The following KHDRBS3 variants were observed in gnomAD, a reference collection of about 807,000 sequenced individuals.
KHDRBS3 encodes KH RNA binding domain containing, signal transduction associated 3.
In KHDRBS3, 23 loss-of-function variants were observed where a neutral mutation model predicts 45.6. The ratio of observed to expected loss-of-function variants is 0.50; its 90% CI spans 0.36 to 0.72. The LOEUF is 0.72. KHDRBS3 is among the 30% of genes least tolerant of loss of function. KHDRBS3 has a pLI of 0.00. For synonymous variants in KHDRBS3, 162 were observed against 156.5 expected (o/e 1.04, Z -0.26); for missense variants, 352 against 424.8 (o/e 0.83, Z 1.51).
chr8:135,510,204 C>T (rs967344523), intron 1 of KHDRBS3, among the ~76,000 whole-genome samples: 5 of 151,850 alleles, frequency 3.3e-5, no homozygotes, highest in Admixed American at 1.3e-4. Flanking sequence ...ATCAAGTGAC[C>T]CTCTTTCCTT....
At chr8:135,631,519 C>T (rs1830603799) in intron 7 of KHDRBS3, among the ~76,000 whole-genome samples, 1 of 151,984 alleles carries the variant, frequency 6.6e-6, no homozygotes, top group Admixed American at 6.6e-5. Context: ...TACATAGTGT[C>T]AGGATCATCT....
chr8:135,646,812 T>C (rs572799460), intron 8 of KHDRBS3, among the ~76,000 whole-genome samples, 181 bp from the exon 9 acceptor site: 1 of 152,348 alleles, frequency 6.6e-6, no homozygotes, highest in South Asian at 2.1e-4. Context: ...GATGATTATT[T>C]TTCCTTGTGT....
chr8:135,584,258 A>ATTTG (rs1301517779), intron 6 of KHDRBS3, among the ~76,000 whole-genome samples: 2 of 152,246 alleles, frequency 1.3e-5, no homozygotes, highest in African/African-American at 4.8e-5. Context: ...ACTGACGGTC[A>ATTTG]TATCCGCCAG....
intron 1 of KHDRBS3, among the ~76,000 whole-genome samples, chr8:135,511,545 G>A (rs1824284173): frequency 6.7e-6 from 1 of 148,774 alleles, no homozygotes; most frequent in Non-Finnish European, 1.5e-5. Flanking sequence ...TTTTTTGTTT[G>A]TTTGTTGTTG....
At chr8:135,503,765 A>G (rs564419334) in intron 1 of KHDRBS3, among the ~76,000 whole-genome samples, 1 of 152,296 alleles carries the variant, frequency 6.6e-6, no homozygotes, top group African/African-American at 2.4e-5. Context: ...TAATTTTACC[A>G]CGTCCATACC....
At chr8:135,616,208 T>A (rs1330130731) in intron 7 of KHDRBS3, among the ~76,000 whole-genome samples, 1 of 152,210 alleles carries the variant, frequency 6.6e-6, no homozygotes, top group South Asian at 2.1e-4. Flanking sequence ...GGAGTTGACA[T>A]TCACAGAATT....
chr8:135,479,851 A>C (rs2130305454), intron 1 of KHDRBS3, among the ~76,000 whole-genome samples: 2 of 152,352 alleles, frequency 1.3e-5, no homozygotes, highest in East Asian at 3.9e-4. Context: ...TCAGAAAAAG[A>C]CATCACAAGA....
At chr8:135,618,234 C>G (rs929625483) in intron 7 of KHDRBS3, among the ~76,000 whole-genome samples, 1 of 152,056 alleles carries the variant, frequency 6.6e-6, no homozygotes, top group African/African-American at 2.4e-5. Flanking sequence ...TCTGACAGTG[C>G]GAATATATTT....
intron 5 of KHDRBS3, among the ~76,000 whole-genome samples, chr8:135,560,847 C>T (rs1279024746): frequency 6.6e-6 from 1 of 152,082 alleles, no homozygotes; most frequent in African/African-American, 2.4e-5. Context: ...AGTTAAATAC[C>T]TTTATTTGCG....
intron 7 of KHDRBS3, among the ~76,000 whole-genome samples, chr8:135,620,782 A>G (rs571818765): frequency 3.9e-5 from 6 of 152,204 alleles, no homozygotes; most frequent in Admixed American, 6.5e-5. Flanking sequence ...CCATTCTTCC[A>G]TGTCCTATAA....
intron 2 of KHDRBS3, among the ~76,000 whole-genome samples, chr8:135,527,257 TTAA>T (rs1277493459): frequency 6.6e-6 from 1 of 151,548 alleles, no homozygotes; most frequent in Non-Finnish European, 1.5e-5. Context: ...TAAGTTAATA[TTAA>T]TAATACAGGT....
intron 1 of KHDRBS3, 120 bp downstream of exon 1, chr8:135,458,074 G>A (rs1011186360): frequency 7.1e-7 from 1 of 1,399,158 alleles, no homozygotes. Flanking sequence ...ACGGAGGCCC[G>A]GGTGGCCCCC....
At chr8:135,506,847 C>T (rs1035253914) in intron 1 of KHDRBS3, among the ~76,000 whole-genome samples, 18 of 151,898 alleles carry the variant, frequency 1.2e-4, no homozygotes, top group African/African-American at 4.4e-4. Context: ...TTTTTACTGA[C>T]AAATCTAACC....
At chr8:135,480,662 A>G (rs1328632481) in intron 1 of KHDRBS3, among the ~76,000 whole-genome samples, 2 of 152,180 alleles carry the variant, frequency 1.3e-5, no homozygotes. Context: ...AAAGGAAAAA[A>G]AAGAGAAATG....
At chr8:135,601,340 A>G (rs1829203382) in intron 6 of KHDRBS3, among the ~76,000 whole-genome samples, 1 of 152,224 alleles carries the variant, frequency 6.6e-6, no homozygotes, top group Non-Finnish European at 1.5e-5. Flanking sequence ...GCAGCCCAGT[A>G]ATGGAAGTAC....
intron 1 of KHDRBS3, among the ~76,000 whole-genome samples, chr8:135,482,623 C>T (rs942319760): frequency 2.6e-5 from 4 of 151,948 alleles, no homozygotes; most frequent in African/African-American, 9.7e-5. Flanking sequence ...GTGTGTATGC[C>T]GGGGTGGGTG....
chr8:135,655,503 C>T (rs1223843928), intron 4 of KHDRBS3, among the ~76,000 whole-genome samples: 6 of 152,112 alleles, frequency 3.9e-5, no homozygotes, highest in South Asian at 2.1e-4. Flanking sequence ...GTTTTAGGAA[C>T]GTATAAGCAG....
At chr8:135,505,508 A>C (rs1288972306) in intron 1 of KHDRBS3, among the ~76,000 whole-genome samples, 2 of 152,204 alleles carry the variant, frequency 1.3e-5, no homozygotes, top group African/African-American at 4.8e-5. Context: ...AAGAGGGTGT[A>C]TCAATCAGGT....
chr8:135,460,106 C>T lies in KHDRBS3; in HGVS notation c.88+2152C>T, dbSNP rs140318534. 4.3e-3 allele frequency among the ~76,000 whole-genome samples: 650 copies of T among 152,300 alleles called. 7 individuals carry two copies. Among genetic ancestry groups the T allele is most frequent in the African/African-American group, 0.015 (610 of 41,548 alleles). On this transcript the variant is annotated intron_variant, in intron 1 of 8. Coordinates refer to ENST00000355849, the MANE Select transcript of KHDRBS3 (RefSeq NM_006558.3). ...CTGCAAAATTACAAGTGTTTTAAAT[C>T]TGAAGCTACATGATTGTGAGGAAGC... is the stretch of plus-strand genomic sequence containing the variant.
Sources: gnomAD v4.1 joint callset for allele counts (sites outside exome capture counted in the v4.1 genomes callset) on GRCh38, gnomAD v4.1.1 for gene constraint, MANE v1.5 for transcripts, NCBI Gene and HGNC (gene_info 2026-07-23, HGNC 2026-07-21) for gene names.